BCAS3: variants seen among roughly 807,000 people sequenced by gnomAD.
BCAS3 encodes the protein BCAS4/BCAS3 fusion.
Under a neutral mutation model 116.1 loss-of-function variants are expected in BCAS3, and 53 were observed. The ratio of observed to expected loss-of-function variants is 0.46; its 90% CI spans 0.37 to 0.57. The LOEUF (loss-of-function observed/expected upper bound fraction) is 0.57, where lower values mean the gene tolerates loss of function less well. Ranked by LOEUF, BCAS3 falls within the 20% of genes least tolerant of loss-of-function variation. The pLI is 0.00. For missense variants in BCAS3, 917 were observed against 1,165.4 expected (o/e 0.79, Z 3.10); for synonymous variants, 391 against 408.2 (o/e 0.96, Z 0.51).
At chr17:61,342,421 C>T (rs1309080470) in intron 22 of BCAS3, among the ~76,000 whole-genome samples, 3 of 152,200 alleles carry the variant, frequency 2.0e-5, no homozygotes, top group African/African-American at 7.2e-5. Flanking sequence ...GCTGGGATTA[C>T]AGGCATGAGC....
intron 13 of BCAS3, among the ~76,000 whole-genome samples, chr17:60,943,547 C>T (rs751568508): frequency 6.6e-6 from 1 of 152,008 alleles, no homozygotes; most frequent in Non-Finnish European, 1.5e-5. Flanking sequence ...TGTGTATGAA[C>T]CTTGCTCTAA....
intron 1 of BCAS3, 51 bp from the exon 2 acceptor site, chr17:60,679,402 C>T: frequency 7.0e-7 from 1 of 1,424,630 alleles, no homozygotes; most frequent in Admixed American, 1.7e-5. Flanking sequence ...CTACCCCCAA[C>T]AACGATCCAT....
chr17:60,755,027 A>G (rs2042873412), intron 6 of BCAS3, among the ~76,000 whole-genome samples: 2 of 152,218 alleles, frequency 1.3e-5, no homozygotes. Context: ...TGATTCAGGT[A>G]AATTGTAACT....
intron 9 of BCAS3, among the ~76,000 whole-genome samples, chr17:60,875,167 A>C (rs575137324): frequency 5.3e-5 from 8 of 152,284 alleles, no homozygotes; most frequent in African/African-American, 1.9e-4. Flanking sequence ...TTTTCGAATA[A>C]GGACTTATAT....
chr17:61,232,200 G>GAAAAA (rs71148394), intron 22 of BCAS3, among the ~76,000 whole-genome samples: 61 of 71,836 alleles, frequency 8.5e-4, no homozygotes, highest in South Asian at 1.9e-3. Flanking sequence ...GAAAGACTCC[G>GAAAAA]AAAAAAAAAA....
At chr17:60,856,361 T>C (rs2053670985) in intron 7 of BCAS3, among the ~76,000 whole-genome samples, 1 of 152,194 alleles carries the variant, frequency 6.6e-6, no homozygotes, top group Admixed American at 6.5e-5. Context: ...TGTAGCTAAG[T>C]ATAATTATTT....
intron 22 of BCAS3, among the ~76,000 whole-genome samples, chr17:61,147,267 G>A (rs2077276451): frequency 6.6e-6 from 1 of 152,046 alleles, no homozygotes; most frequent in South Asian, 2.1e-4. Flanking sequence ...GTAGAGACGG[G>A]GTTTCTCCAT....
At chr17:60,747,701 C>T (rs1274402363) in intron 6 of BCAS3, among the ~76,000 whole-genome samples, 1 of 152,088 alleles carries the variant, frequency 6.6e-6, no homozygotes, top group Non-Finnish European at 1.5e-5. Flanking sequence ...CCTTTGCCCT[C>T]CTTCTCAGTT....
chr17:60,732,074 C>G (rs995258514), intron 5 of BCAS3, among the ~76,000 whole-genome samples: 2 of 152,072 alleles, frequency 1.3e-5, no homozygotes, highest in South Asian at 2.1e-4. Flanking sequence ...CGCGCCCGGC[C>G]AGCCCTCCTA....
chr17:60,969,299 T>G (rs1483745162), intron 14 of BCAS3, among the ~76,000 whole-genome samples: 1 of 152,212 alleles, frequency 6.6e-6, no homozygotes, highest in East Asian at 1.9e-4. Context: ...ATTATTACTA[T>G]GCTCAGTGAT....
intron 15 of BCAS3, among the ~76,000 whole-genome samples, chr17:61,015,120 G>C (rs1050639273): frequency 2.6e-5 from 4 of 152,160 alleles, no homozygotes; most frequent in African/African-American, 9.7e-5. Context: ...CTTTTGTTTA[G>C]AAATTGACAA....
intron 22 of BCAS3, among the ~76,000 whole-genome samples, chr17:61,194,695 G>A (rs1441115777): frequency 6.8e-6 from 1 of 146,950 alleles, no homozygotes; most frequent in South Asian, 2.1e-4. Flanking sequence ...AGCCGAGATT[G>A]TGCCATTGCA....
intron 12 of BCAS3, among the ~76,000 whole-genome samples, chr17:60,921,612 C>CAAA (rs755864096): frequency 1.1e-3 from 35 of 33,236 alleles, no homozygotes; most frequent in Non-Finnish European, 2.1e-3. Flanking sequence ...GACTCCGTCT[C>CAAA]AAAAAAAAAA....
At chr17:60,753,454 G>C (rs1598462985) in intron 6 of BCAS3, among the ~76,000 whole-genome samples, 1 of 150,610 alleles carries the variant, frequency 6.6e-6, no homozygotes, top group East Asian at 1.9e-4. Context: ...CTGTCACCCA[G>C]GCTGGAGTGC....
chr17:60,785,954 AT>A (rs906793798), intron 6 of BCAS3, among the ~76,000 whole-genome samples: 1 of 152,190 alleles, frequency 6.6e-6, no homozygotes, highest in African/African-American at 2.4e-5. Context: ...TGTATTAGAT[AT>A]TATAAATAAC....
At chr17:60,830,761 T>A (rs527586296) in intron 7 of BCAS3, among the ~76,000 whole-genome samples, 1 of 151,932 alleles carries the variant, frequency 6.6e-6, no homozygotes, top group Non-Finnish European at 1.5e-5. Context: ...CATGAATAGA[T>A]TATTATTATC....
chr17:61,211,317 T>C lies in BCAS3; in HGVS notation c.2425+126753T>C, dbSNP rs570886123. Among the ~76,000 whole-genome samples, 2 of 152,302 alleles carry C rather than the reference T, an allele frequency of 1.3e-5. No individual in the cohort carries two copies. The highest frequency in any genetic ancestry group is 1.3e-4 in the Admixed American group (2 of 15,294). On this transcript the variant is annotated intron_variant, in intron 22 of 23. Transcript: ENST00000407086. The surrounding 1 kb of genome is among the most constrained non-coding windows in gnomAD (Gnocchi z 4.4). ...ACTGTATTTGTGATCTGTAAGACTT[T>C]TCAAACACAGGTTTAAACATCCAGA... is the stretch of plus-strand genomic sequence containing the variant.
chr17:60,719,793 G>C (rs2039040703), intron 5 of BCAS3, among the ~76,000 whole-genome samples: 1 of 152,196 alleles, frequency 6.6e-6, no homozygotes, highest in Admixed American at 6.6e-5. Context: ...TTTCAACACT[G>C]TCTAAATGTT....
chr17:61,000,826 G>A (rs1038413658), intron 15 of BCAS3, among the ~76,000 whole-genome samples: 8 of 152,070 alleles, frequency 5.3e-5, no homozygotes, highest in African/African-American at 1.9e-4. Context: ...AGTGATGGTA[G>A]TATTATCATT....
Sources: allele counts gnomAD v4.1 joint callset (sites outside exome capture counted in the v4.1 genomes callset), GRCh38; gene constraint gnomAD v4.1.1; non-coding constraint Gnocchi (gnomAD v3.1); transcripts MANE v1.5; gene names NCBI Gene and HGNC (gene_info 2026-07-23, HGNC 2026-07-21).